Variants in ITCH observed in about 807,000 individuals in gnomAD.
ITCH encodes the protein E3 ubiquitin-protein ligase Itchy homolog.
ITCH carries 28 observed loss-of-function variants against 126.8 expected under a neutral mutation model. The observed-to-expected ratio is 0.22, with a 90% CI of 0.16 to 0.30. ITCH has a LOEUF of 0.30. ITCH is among the 10% of genes least tolerant of loss of function. The pLI, the probability that ITCH is intolerant of heterozygous loss-of-function variation, is 1.00. For missense variants in ITCH, 631 were observed against 1,032.4 expected (o/e 0.61, Z 5.33); for synonymous variants, 342 against 340.0 (o/e 1.01, Z -0.06).
At chr20:34,425,413 A>C (rs998724034) in intron 7 of ITCH, among the ~76,000 whole-genome samples, 1 of 151,902 alleles carries the variant, frequency 6.6e-6, no homozygotes, top group African/African-American at 2.4e-5. Flanking sequence ...CCAGCCCAAC[A>C]CCTGTGAAGG....
chr20:34,434,182 C>T (rs891704718), intron 7 of ITCH, among the ~76,000 whole-genome samples: 1 of 151,666 alleles, frequency 6.6e-6, no homozygotes, highest in Non-Finnish European at 1.5e-5. Context: ...GAGACTGAGG[C>T]GGGAGGATCA....
chr20:34,472,022 A>C (rs545150514), intron 16 of ITCH, among the ~76,000 whole-genome samples: 139 of 152,304 alleles, frequency 9.1e-4, no homozygotes, highest in Non-Finnish European at 1.7e-3. Context: ...TATCTAAAAA[A>C]AGATATATAT....
chr20:34,497,407 C>T (rs1006474895), intron 23 of ITCH, among the ~76,000 whole-genome samples: 7 of 152,154 alleles, frequency 4.6e-5, no homozygotes, highest in African/African-American at 1.7e-4. Flanking sequence ...TATGCCAGTA[C>T]CATGCTGTAT....
intron 2 of ITCH, among the ~76,000 whole-genome samples, chr20:34,389,693 A>G (rs547660347): frequency 8.7e-4 from 133 of 152,342 alleles, no homozygotes; most frequent in African/African-American, 2.7e-3. Flanking sequence ...CATTAGGGAC[A>G]TTATCCCTTT....
intron 14 of ITCH, among the ~76,000 whole-genome samples, chr20:34,468,101 C>G (rs1350529924): frequency 2.0e-5 from 3 of 147,902 alleles, no homozygotes; most frequent in Non-Finnish European, 4.4e-5. Context: ...GTGGCACAAT[C>G]TCAGCTCACT....
At chr20:34,372,398 T>TTTTTTTTTTA (rs1568853572) in intron 2 of ITCH, among the ~76,000 whole-genome samples, 2 of 142,674 alleles carry the variant, frequency 1.4e-5, no homozygotes, top group Non-Finnish European at 3.0e-5. Context: ...TTTTTTTTTT[T>TTTTTTTTTTA]GAGAGGGAAT....
intron 20 of ITCH, 88 bp downstream of exon 20, chr20:34,481,294 A>T: frequency 2.2e-6 from 3 of 1,333,962 alleles, no homozygotes; most frequent in Non-Finnish European, 3.2e-6. Flanking sequence ...AGTATCTCCA[A>T]AAATAGTATT....
At chr20:34,405,392 C>T (rs1363793702) in intron 3 of ITCH, among the ~76,000 whole-genome samples, 1 of 152,122 alleles carries the variant, frequency 6.6e-6, no homozygotes, top group African/African-American at 2.4e-5. Context: ...ATAACCCCAG[C>T]TGCTTGGGAG....
chr20:34,382,493 G>C (rs943977460), intron 2 of ITCH, among the ~76,000 whole-genome samples: 1 of 151,928 alleles, frequency 6.6e-6, no homozygotes, highest in African/African-American at 2.4e-5. Flanking sequence ...TGCAACCTCT[G>C]CCTCCTGGGT....
In ITCH at chr20:34,469,691, A is replaced by G. The variant is rs554115951; in HGVS notation, c.1425-357A>G. 3.9e-5 allele frequency among the ~76,000 whole-genome samples: 6 copies of G among 152,184 alleles called. No homozygotes were observed. The East Asian group carries it at 5.8e-4, about 15-fold the overall frequency. ...TAGTCTTTATTATATGTAGCATTCTACTTAGTTAAATAGCAAGGGTTTTAC... is the reference window on the plus strand; with the variant it reads ...TAGTCTTTATTATATGTAGCATTCTGCTTAGTTAAATAGCAAGGGTTTTAC... On this transcript the variant is annotated intron_variant, in intron 14 of 24. Coordinates refer to ENST00000374864, the MANE Select transcript of ITCH (RefSeq NM_031483.7).
chr20:34,392,348 TAA>T (rs2038517577), intron 2 of ITCH, among the ~76,000 whole-genome samples: 1 of 152,128 alleles, frequency 6.6e-6, no homozygotes, highest in Non-Finnish European at 1.5e-5. Context: ...GTAATTTAAA[TAA>T]ACAAGGTAAA....
At chr20:34,421,455 G>T (rs1980753947) in intron 6 of ITCH, among the ~76,000 whole-genome samples, 1 of 152,180 alleles carries the variant, frequency 6.6e-6, no homozygotes, top group Non-Finnish European at 1.5e-5. Context: ...GGTAAAACAT[G>T]TGCATTTAGC....
chr20:34,437,505 T>A (rs1482117801), intron 7 of ITCH, among the ~76,000 whole-genome samples: 1 of 152,178 alleles, frequency 6.6e-6, no homozygotes, highest in South Asian at 2.1e-4. Context: ...CAGGGCCTTG[T>A]CATGTTGCCC....
chr20:34,438,316 G>C (rs1983289801), intron 7 of ITCH, among the ~76,000 whole-genome samples, 158 bp from the exon 8 acceptor site: 1 of 152,074 alleles, frequency 6.6e-6, no homozygotes, highest in African/African-American at 2.4e-5. Context: ...CTACCCAAAG[G>C]CTCTTTATGT....
chr20:34,385,774 T>A (rs192798836), intron 2 of ITCH, among the ~76,000 whole-genome samples: 90 of 152,320 alleles, frequency 5.9e-4, no homozygotes, highest in Non-Finnish European at 1.2e-3. Flanking sequence ...GAATCCATAC[T>A]GATGTATTTG....
chr20:34,471,985 A>C (rs1467891475), intron 16 of ITCH, among the ~76,000 whole-genome samples: 1 of 152,344 alleles, frequency 6.6e-6, no homozygotes, highest in Non-Finnish European at 1.5e-5. Flanking sequence ...TACTCTTAAC[A>C]GGAAAAAAAG....
chr20:34,368,127 G>A (rs2037486111), intron 1 of ITCH, among the ~76,000 whole-genome samples: 1 of 152,082 alleles, frequency 6.6e-6, no homozygotes, highest in African/African-American at 2.4e-5. Flanking sequence ...AAAATTAGCT[G>A]GGTGTGGTGG....
intron 7 of ITCH, among the ~76,000 whole-genome samples, chr20:34,426,061 C>T (rs766171783): frequency 6.6e-6 from 1 of 152,228 alleles, no homozygotes; most frequent in Non-Finnish European, 1.5e-5. Flanking sequence ...TCCTGGAAAT[C>T]GGTAACAGCA....
Position 34,510,658 on chromosome 20 carries a change from CTCTG to C in ITCH, c.*2868_*2871del, listed in dbSNP as rs1401811592. The C allele has an allele frequency of 1.3e-5, 2 of 151,974 alleles. No homozygotes were observed. Among genetic ancestry groups the C allele is most frequent in the Admixed American group, 6.6e-5 (1 of 15,262 alleles). 9.4% of individuals were successfully genotyped at this position (151,974 alleles called of 1,614,324 possible). A position where few individuals can be genotyped will look rare whatever the true frequency, so the allele number is the denominator to read the frequency against. On this transcript the variant is annotated 3_prime_UTR_variant, in exon 25 of 25. Transcript: ENST00000374864. ...AGCAGCTCATAATAATGAATTCCTG[CTCTG>C]TCTTTTATTATCTTATGTCAGAGTG... is the stretch of plus-strand genomic sequence containing the variant.
Sources: gnomAD v4.1 joint callset for allele counts (sites outside exome capture counted in the v4.1 genomes callset) on GRCh38, gnomAD v4.1.1 for gene constraint, MANE v1.5 for transcripts, NCBI Gene and HGNC (gene_info 2026-07-23, HGNC 2026-07-21) for gene names.